Variants in RPRD2 observed in about 807,000 individuals in gnomAD.
The protein encoded by RPRD2 is regulation of nuclear pre-mRNA domain containing 2, also known as regulation of nuclear pre-mRNA domain-containing protein 2.
Under a neutral mutation model 104.4 loss-of-function variants are expected in RPRD2, and 12 were observed. The ratio of observed to expected loss-of-function variants is 0.11; its 90% confidence interval spans 0.07 to 0.19. The LOEUF (loss-of-function observed/expected upper bound fraction) is 0.19, where lower values mean the gene tolerates loss of function less well. RPRD2 is among the 10% of genes least tolerant of loss of function. The pLI, the probability that RPRD2 is intolerant of heterozygous loss-of-function variation, is 1.00. For synonymous variants in RPRD2, 714 were observed against 684.9 expected, an observed-to-expected ratio of 1.04 and a Z score of -0.66; for missense variants, 1,543 against 1,790.1, an observed-to-expected ratio of 0.86 and a Z score of 2.49.
intron 1 of RPRD2, among the ~76,000 whole-genome samples, chr1:150,396,819 G>A (rs587769039): frequency 6.6e-6 from 1 of 152,190 alleles, no homozygotes; most frequent in South Asian, 2.1e-4. Flanking sequence ...CACCAAAACA[G>A]CATGGTACTG....
rs139470586 is a variant in RPRD2 at position 150,444,621 on chromosome 1, A to G, written c.694+244A>G. ...CAGTTGTATTTCACATGTATGGTTA[A>G]TTGGTATGGGTATGCTCTTTAATGA... On this transcript the variant is annotated intron_variant, in intron 6 of 10. Transcript: ENST00000369068. 3.6e-3 allele frequency among the ~76,000 whole-genome samples: 545 copies of G among 152,322 alleles called. 1 individual carries two copies. Among genetic ancestry groups the G allele is most frequent in the Non-Finnish European group, 5.8e-3 (397 of 68,030 alleles).
chr1:150,436,319 C>T lies in RPRD2; in HGVS notation c.336-4604C>T, dbSNP rs781986288. Among the ~76,000 whole-genome samples the T allele has an allele frequency of 1.1e-4, 16 of 152,056 alleles. 1 individual carries two copies. Among genetic ancestry groups the T allele is most frequent in the African/African-American group, 2.9e-4 (12 of 41,408 alleles). ...TTCTTGTTGTTTAAGAAATACAAACCGGCCGGGCATGGTGGCTCATGCCTG... is the reference window on the plus strand; with the variant it reads ...TTCTTGTTGTTTAAGAAATACAAACTGGCCGGGCATGGTGGCTCATGCCTG... On this transcript the variant is annotated intron_variant, in intron 2 of 10. Coordinates refer to ENST00000369068, the MANE Select transcript of RPRD2 (RefSeq NM_015203.5).
At chr1:150,408,079 T>C (rs1663617786) in intron 1 of RPRD2, among the ~76,000 whole-genome samples, 1 of 149,540 alleles carries the variant, frequency 6.7e-6, no homozygotes, top group Non-Finnish European at 1.5e-5. Flanking sequence ...TGGCCTATGC[T>C]TTTATTTTTT....
At chr1:150,452,871 T>C (rs1553896931) in intron 7 of RPRD2, among the ~76,000 whole-genome samples, 1 of 151,888 alleles carries the variant, frequency 6.6e-6, no homozygotes, top group Non-Finnish European at 1.5e-5. Context: ...GGTTTCACCA[T>C]GTTGGCCAGG....
At chr1:150,445,491 G>A (rs1356676090) in intron 6 of RPRD2, among the ~76,000 whole-genome samples, 1 of 152,162 alleles carries the variant, frequency 6.6e-6, no homozygotes, top group African/African-American at 2.4e-5. Context: ...TTTTCTGAAC[G>A]TTACTTTTCT....
intron 1 of RPRD2, among the ~76,000 whole-genome samples, chr1:150,389,489 T>A (rs1572377871): frequency 6.6e-6 from 1 of 152,304 alleles, no homozygotes; most frequent in East Asian, 1.9e-4. Flanking sequence ...ACCACAGAGG[T>A]AAAGTTCCAT....
At chr1:150,383,988 T>C (rs1237731120) in intron 1 of RPRD2, among the ~76,000 whole-genome samples, 1 of 152,180 alleles carries the variant, frequency 6.6e-6, no homozygotes, top group Non-Finnish European at 1.5e-5. Flanking sequence ...GGTGATAGTT[T>C]AGGGTTTCAC....
intron 2 of RPRD2, among the ~76,000 whole-genome samples, chr1:150,421,043 C>T (rs1412346612): frequency 6.6e-6 from 1 of 152,124 alleles, no homozygotes; most frequent in Non-Finnish European, 1.5e-5. Context: ...AGTACAGAAA[C>T]AAATGGGTAT....
chr1:150,407,761 G>C (rs1410956837), intron 1 of RPRD2, among the ~76,000 whole-genome samples: 3 of 152,104 alleles, frequency 2.0e-5, no homozygotes, highest in African/African-American at 7.2e-5. Context: ...TTTGAAAAAA[G>C]ATGTTGTTTT....
intron 1 of RPRD2, among the ~76,000 whole-genome samples, chr1:150,403,628 G>C (rs1009910410): frequency 5.9e-4 from 90 of 151,940 alleles, no homozygotes; most frequent in Non-Finnish European, 6.5e-4. Context: ...ATATTCCATT[G>C]TATGCGTCCA....
intron 1 of RPRD2, among the ~76,000 whole-genome samples, chr1:150,404,392 G>A (rs1292213635): frequency 6.6e-6 from 1 of 152,078 alleles, no homozygotes; most frequent in Middle Eastern, 3.2e-3. Flanking sequence ...GACCACAGGT[G>A]CTTGCCACCG....
At chr1:150,404,816 C>T (rs1315152672) in intron 1 of RPRD2, among the ~76,000 whole-genome samples, 1 of 152,124 alleles carries the variant, frequency 6.6e-6, no homozygotes, top group East Asian at 1.9e-4. Flanking sequence ...TTCAAGAGTT[C>T]CTATCCAGAA....
chr1:150,454,491 T>C (rs1553897213), intron 7 of RPRD2, among the ~76,000 whole-genome samples: 2 of 152,154 alleles, frequency 1.3e-5, no homozygotes, highest in African/African-American at 4.8e-5. Flanking sequence ...TAGTCTACTA[T>C]AAGCTACTGA....
At chr1:150,443,860 A>C (rs1364946771) in intron 5 of RPRD2, among the ~76,000 whole-genome samples, 25 of 151,682 alleles carry the variant, frequency 1.6e-4, no homozygotes, top group Admixed American at 1.1e-3. Context: ...AAAAAAAAAA[A>C]AACAAAAATT....
intron 9 of RPRD2, 30 bp from the exon 10 acceptor site, chr1:150,464,497 A>G: frequency 1.3e-6 from 2 of 1,552,460 alleles, no homozygotes; most frequent in East Asian, 2.4e-5. Flanking sequence ...TTTGAATTGC[A>G]TTTTCTTGAG....
At chr1:150,435,910 G>C (rs1209414048) in intron 2 of RPRD2, among the ~76,000 whole-genome samples, 1 of 152,216 alleles carries the variant, frequency 6.6e-6, no homozygotes, top group East Asian at 1.9e-4. Context: ...AGCACAGGCT[G>C]ACTCTCTTGT....
At chr1:150,396,805 T>C (rs587710378) in intron 1 of RPRD2, among the ~76,000 whole-genome samples, 1 of 152,212 alleles carries the variant, frequency 6.6e-6, no homozygotes, top group Non-Finnish European at 1.5e-5. Context: ...TCTAAGGTCA[T>C]AGTCACCAAA....
chr1:150,413,337 A>G (rs1664084002), intron 1 of RPRD2, among the ~76,000 whole-genome samples: 1 of 152,246 alleles, frequency 6.6e-6, no homozygotes, highest in African/African-American at 2.4e-5. Context: ...GCTGTGGCTC[A>G]CGCCTGTAAT....
intron 9 of RPRD2, 137 bp downstream of exon 9, chr1:150,460,454 A>T (rs1667853983): frequency 1.1e-6 from 1 of 889,692 alleles, no homozygotes; most frequent in Admixed American, 2.5e-5. Flanking sequence ...CCCAGGCAGG[A>T]GTGCAGTGGT....
Sources: gnomAD v4.1 joint callset for allele counts (sites outside exome capture counted in the v4.1 genomes callset) on GRCh38, gnomAD v4.1.1 for gene constraint, MANE v1.5 for transcripts, NCBI Gene and HGNC (gene_info 2026-07-23, HGNC 2026-07-21) for gene names.